LRP1B: variants seen among roughly 807,000 people sequenced by gnomAD.
LRP1B encodes low-density lipoprotein receptor-related protein 1B.
LRP1B carries 217 observed loss-of-function variants against 556.6 expected under a neutral mutation model. The observed-to-expected ratio is 0.39, with a 90% CI of 0.35 to 0.44. LRP1B has a LOEUF of 0.44. Among genes scored for constraint, LRP1B ranks in the 20% least tolerant of loss-of-function variants. LRP1B has a pLI of 1.00. For missense variants in LRP1B, 5,053 were observed against 5,620.8 expected, an observed-to-expected ratio of 0.90 and a Z score of 3.23; for synonymous variants, 2,047 against 1,865.8, an observed-to-expected ratio of 1.10 and a Z score of -2.50.
intron 1 of LRP1B, among the ~76,000 whole-genome samples, chr2:141,937,434 G>A (rs1700668860): frequency 6.6e-6 from 1 of 151,326 alleles, no homozygotes; most frequent in South Asian, 2.1e-4. Context: ...AACATGTACT[G>A]AAGAAAATTA....
At chr2:141,265,205 A>G (rs1222851885) in intron 3 of LRP1B, among the ~76,000 whole-genome samples, 1 of 152,216 alleles carries the variant, frequency 6.6e-6, no homozygotes, top group African/African-American at 2.4e-5. Flanking sequence ...AGCCAGCGTT[A>G]GAGATACCAG....
chr2:141,463,607 ATATATAATTATGTAT>A, intron 3 of LRP1B, among the ~76,000 whole-genome samples: 1 of 108,430 alleles, frequency 9.2e-6, no homozygotes. Flanking sequence ...ATTATATATT[ATATATAATTATGTAT>A]TATATATTAT....
At chr2:140,870,709 C>G (rs755167997) in intron 25 of LRP1B, among the ~76,000 whole-genome samples, 2 of 151,988 alleles carry the variant, frequency 1.3e-5, no homozygotes, top group Non-Finnish European at 2.9e-5. Flanking sequence ...ATTTTCTCTT[C>G]ATTTAATTAT....
Position 140,714,815 on chromosome 2 carries a change from G to A in LRP1B, c.6023+1158C>T, listed in dbSNP as rs569862538. ...TCCAACACTGTGATTGCACCACTGC[G>A]CTCCAGCCTAGGCAACAGAATGACA... On this transcript the variant is annotated intron_variant, in intron 37 of 90. Coordinates refer to ENST00000389484, the MANE Select transcript of LRP1B (RefSeq NM_018557.3). Among the ~76,000 whole-genome samples, 54 of 152,114 alleles carry A rather than the reference G, an allele frequency of 3.5e-4. 1 individual carries two copies. Among genetic ancestry groups the A allele is most frequent in the Admixed American group, 6.6e-4 (10 of 15,244 alleles).
chr2:140,600,979 T>TGCTTGATA (rs1682643429), intron 42 of LRP1B, among the ~76,000 whole-genome samples: 1 of 151,684 alleles, frequency 6.6e-6, no homozygotes, highest in Non-Finnish European at 1.5e-5. Context: ...AAGCACCTAG[T>TGCTTGATA]GCTGAAAAAT....
chr2:141,258,359 GC>G (rs1327086515), intron 3 of LRP1B, among the ~76,000 whole-genome samples: 1 of 152,054 alleles, frequency 6.6e-6, no homozygotes, highest in Non-Finnish European at 1.5e-5. Context: ...GGTGGTGTGT[GC>G]CTGTAGTCCC....
chr2:141,543,287 C>T (rs1323495880), intron 2 of LRP1B, among the ~76,000 whole-genome samples: 9 of 151,524 alleles, frequency 5.9e-5, no homozygotes, highest in Non-Finnish European at 2.9e-5. Context: ...GGCTGGAGAT[C>T]ATTTGAGCCC....
chr2:140,264,237 T>C (rs1467016513), intron 86 of LRP1B, among the ~76,000 whole-genome samples: 1 of 152,092 alleles, frequency 6.6e-6, no homozygotes, highest in African/African-American at 2.4e-5. Context: ...TTTTGGTTTG[T>C]TTATTTTTTT....
At chr2:140,321,663 T>G (rs957512882) in intron 82 of LRP1B, among the ~76,000 whole-genome samples, 2 of 150,500 alleles carry the variant, frequency 1.3e-5, no homozygotes, top group African/African-American at 4.9e-5. Context: ...CAAAAAATAT[T>G]GTTTTATCTA....
intron 77 of LRP1B, among the ~76,000 whole-genome samples, chr2:140,341,096 G>A (rs1030134792): frequency 6.6e-5 from 10 of 151,544 alleles, no homozygotes; most frequent in Non-Finnish European, 4.4e-5. Flanking sequence ...CTTTGAAGCA[G>A]ATGTGCATGT....
chr2:140,996,448 G>C (rs1162118579), intron 15 of LRP1B, among the ~76,000 whole-genome samples: 2 of 151,952 alleles, frequency 1.3e-5, no homozygotes, highest in Admixed American at 6.6e-5. Context: ...CATTAAACAA[G>C]GTCTCTACAA....
Position 141,697,470 on chromosome 2 carries a change from G to A in LRP1B, c.205+112809C>T, listed in dbSNP as rs564923845. Among the ~76,000 whole-genome samples, 25 of 152,012 alleles carry A rather than the reference G, an allele frequency of 1.6e-4. No homozygotes were observed. In the South Asian group the frequency reaches 3.5e-3, roughly 21 times the overall value. ...TGTTACTTTCATATTACATTGAAAC[G>A]TGCATCGGGAATACAATTTATTTCA... On this transcript the variant is annotated intron_variant, in intron 2 of 90. Coordinates refer to ENST00000389484, the MANE Select transcript of LRP1B (RefSeq NM_018557.3).
chr2:141,003,779 C>A (rs10928088), intron 15 of LRP1B, among the ~76,000 whole-genome samples: 1 of 151,740 alleles, frequency 6.6e-6, no homozygotes, highest in Non-Finnish European at 1.5e-5. Flanking sequence ...ACCTTCCTTA[C>A]ACAGTTTTTG....
At chr2:140,509,788 C>G in intron 52 of LRP1B, 140 bp downstream of exon 52, 1 of 1,137,594 alleles carries the variant, frequency 8.8e-7, no homozygotes, top group East Asian at 2.5e-5. Flanking sequence ...GTCATCCCAC[C>G]TGATTAAGTC....
At chr2:141,862,201 AAATTCACTTTACT>A (rs1698269093) in intron 1 of LRP1B, among the ~76,000 whole-genome samples, 1 of 152,174 alleles carries the variant, frequency 6.6e-6, no homozygotes, top group African/African-American at 2.4e-5. Flanking sequence ...ACTATAATAT[AAATTCACTTTACT>A]TTGTAAGCCT....
rs747656689 is a variant in LRP1B, at chr2:140,850,878, C to T, written c.4712-549G>A. Reference sequence around the variant, plus strand: ...CATTGTGAGGCGTTATATCACTTTACTTCCTTGCACTACATTTGTAAAATA... The same window carrying T: ...CATTGTGAGGCGTTATATCACTTTATTTCCTTGCACTACATTTGTAAAATA... On this transcript the variant is annotated intron_variant, in intron 28 of 90. Transcript: ENST00000389484. Among the ~76,000 whole-genome samples the T allele has an allele frequency of 1.4e-3, 214 of 152,086 alleles. 4 individuals carry two copies. The highest frequency in any genetic ancestry group is 2.9e-4 in the Non-Finnish European group (20 of 67,968).
chr2:141,927,167 A>G (rs1407210694), intron 1 of LRP1B, among the ~76,000 whole-genome samples: 2 of 151,762 alleles, frequency 1.3e-5, no homozygotes, highest in African/African-American at 4.9e-5. Flanking sequence ...TTAGATTACA[A>G]TACTTTTAGA....
chr2:140,329,747 AAC>A (rs1216141360), intron 79 of LRP1B, among the ~76,000 whole-genome samples: 2 of 151,914 alleles, frequency 1.3e-5, no homozygotes, highest in Admixed American at 6.6e-5. Context: ...AACCAGAGAA[AAC>A]ACAAGATGAA....
intron 86 of LRP1B, among the ~76,000 whole-genome samples, chr2:140,259,883 A>T (rs754225259): frequency 7.9e-5 from 12 of 151,992 alleles, no homozygotes; most frequent in Non-Finnish European, 1.2e-4. Flanking sequence ...ATGGAATATC[A>T]TAGAGTAATG....
Sources: gnomAD v4.1 joint callset for allele counts (sites outside exome capture counted in the v4.1 genomes callset) on GRCh38, gnomAD v4.1.1 for gene constraint, MANE v1.5 for transcripts, NCBI Gene and HGNC (gene_info 2026-07-23, HGNC 2026-07-21) for gene names.